Variants in ARMC8 observed in about 807,000 individuals in gnomAD.
ARMC8 encodes the protein armadillo repeat-containing protein 8.
In ARMC8, 20 loss-of-function variants were observed where a neutral mutation model predicts 99.3. That is an observed-to-expected ratio of 0.20 (90% CI 0.14 to 0.29). The LOEUF is 0.29. Among genes scored for constraint, ARMC8 ranks in the 10% least tolerant of loss-of-function variants. The probability of loss-of-function intolerance (pLI) is 1.00; values close to 1 mark genes in which losing one functional copy is unlikely to be tolerated. For missense variants in ARMC8, 569 were observed against 809.5 expected, an observed-to-expected ratio of 0.70 and a Z score of 3.60; for synonymous variants, 263 against 278.3, an observed-to-expected ratio of 0.95 and a Z score of 0.55.
At chr3:138,251,023 C>T (rs2047099398) in intron 12 of ARMC8, among the ~76,000 whole-genome samples, 1 of 152,058 alleles carries the variant, frequency 6.6e-6, no homozygotes, top group African/African-American at 2.4e-5. Flanking sequence ...CGGTGGCATG[C>T]ACCTGTGGTC....
chr3:138,270,549 A>C (rs1389925819), intron 16 of ARMC8, among the ~76,000 whole-genome samples: 1 of 152,194 alleles, frequency 6.6e-6, no homozygotes, highest in African/African-American at 2.4e-5. Context: ...AAGGCACAGA[A>C]TGATTATTTT....
At chr3:138,289,489 G>T (rs569767550) in intron 20 of ARMC8, among the ~76,000 whole-genome samples, 1 of 152,288 alleles carries the variant, frequency 6.6e-6, no homozygotes, top group Admixed American at 6.5e-5. Flanking sequence ...CACATATGAG[G>T]ACTACAGGCA....
At chr3:138,278,692 T>A (rs2049557574) in intron 18 of ARMC8, among the ~76,000 whole-genome samples, 1 of 152,208 alleles carries the variant, frequency 6.6e-6, no homozygotes, top group Admixed American at 6.5e-5. Flanking sequence ...AATTCATGAA[T>A]ATATCTTCCC....
intron 18 of ARMC8, among the ~76,000 whole-genome samples, chr3:138,284,055 T>C (rs762808836): frequency 2.0e-5 from 3 of 152,174 alleles, no homozygotes; most frequent in African/African-American, 4.8e-5. Flanking sequence ...AGAGACTACA[T>C]TGTTGAAGGA....
chr3:138,239,421 A>G (rs1559973826), intron 9 of ARMC8, 47 bp from the exon 10 acceptor site: 1 of 1,387,496 alleles, frequency 7.2e-7, no homozygotes, highest in Non-Finnish European at 1.0e-6. Flanking sequence ...TTTCATTTAA[A>G]GCTTTAAACT....
intron 21 of ARMC8, among the ~76,000 whole-genome samples, chr3:138,292,817 T>C (rs1024186702): frequency 3.3e-5 from 5 of 151,968 alleles, no homozygotes; most frequent in Non-Finnish European, 5.9e-5. Flanking sequence ...AAAGGAGGAC[T>C]AAGGACCAAG....
chr3:138,227,347 G>C lies in ARMC8; in HGVS notation c.436-1571G>C, dbSNP rs563058327. 1.7e-4 allele frequency among the ~76,000 whole-genome samples: 26 copies of C among 152,244 alleles called. No individual in the cohort carries two copies. In the East Asian group the frequency reaches 1.7e-3, roughly 10 times the overall value. On this transcript the variant is annotated intron_variant, in intron 5 of 21. Coordinates refer to ENST00000469044, the MANE Select transcript of ARMC8 (RefSeq NM_001363941.2). ...GAAATAGCTTTAGGAGCCCAATAGA[G>C]GCTTTTTAATCTACCTATTTGCCTT...
chr3:138,285,917 C>G (rs1461508004), intron 19 of ARMC8, among the ~76,000 whole-genome samples: 1 of 152,018 alleles, frequency 6.6e-6, no homozygotes, highest in South Asian at 2.1e-4. Context: ...CGAGACATAC[C>G]CATTTCTCTG....
intron 18 of ARMC8, among the ~76,000 whole-genome samples, chr3:138,277,875 A>G (rs1387911035): frequency 6.6e-6 from 1 of 152,194 alleles, no homozygotes; most frequent in African/African-American, 2.4e-5. Context: ...ACATCCCTCA[A>G]CAAACTATGG....
chr3:138,274,659 G>C (rs940999409), intron 18 of ARMC8, 115 bp downstream of exon 18: 1 of 721,768 alleles, frequency 1.4e-6, no homozygotes, highest in Non-Finnish European at 2.3e-6. Flanking sequence ...GATGGGAGAT[G>C]CTCTAGAAAT....
intron 3 of ARMC8, 60 bp from the exon 4 acceptor site, chr3:138,223,329 T>G: frequency 6.5e-7 from 1 of 1,542,826 alleles, no homozygotes; most frequent in Non-Finnish European, 8.8e-7. Context: ...CCTTTTTTGG[T>G]CACATTGAGT....
chr3:138,287,830 A>G (rs1396456059), intron 19 of ARMC8: 1 of 329,198 alleles, frequency 3.0e-6, no homozygotes, highest in African/African-American at 2.1e-5. Context: ...ACTCTCTCAG[A>G]TGTGCATAAA....
intron 17 of ARMC8, among the ~76,000 whole-genome samples, chr3:138,274,070 G>A (rs2049034765): frequency 6.6e-6 from 1 of 151,950 alleles, no homozygotes; most frequent in African/African-American, 2.4e-5. Context: ...GGCCCACCTC[G>A]GCCCCCCAAA....
intron 6 of ARMC8, among the ~76,000 whole-genome samples, chr3:138,232,026 A>G (rs116495380): frequency 0.12 from 13,680 of 117,058 alleles, 794 homozygotes; most frequent in Middle Eastern, 0.3. Flanking sequence ...GCTAGAGTGT[A>G]GTGGCGCAAT....
intron 12 of ARMC8, among the ~76,000 whole-genome samples, chr3:138,258,538 G>C (rs1223189487): frequency 1.3e-5 from 2 of 152,152 alleles, no homozygotes; most frequent in Admixed American, 1.3e-4. Flanking sequence ...CACCACCTTA[G>C]TATTATCTGG....
Position 138,270,116 on chromosome 3 carries a change from G to C in ARMC8, c.1463G>C (p.Gly488Ala). The change falls in exon 16 of 22, where the codon GGA becomes GCA. Residue 488 changes from glycine to alanine, a missense_variant. Gly to Ala is a moderately conservative substitution (Grantham distance 60, BLOSUM62 0). Transcript: ENST00000469044. The stretch of plus-strand genomic sequence containing the variant: ...GAAAATCCTGCTTTACGAGTGAATG[G>C]AATTTGGGCTTTAATGGTACGTTTC... ...QSENPALRVN[G>A]IWALMNMAFQ... 6.2e-7 allele frequency: 1 copy of C among 1,611,748 alleles called. No individual in the cohort carries two copies. Among genetic ancestry groups the C allele is most frequent in the East Asian group, 2.2e-5 (1 of 44,856 alleles).
At chr3:138,251,704 C>T (rs960455981) in intron 12 of ARMC8, among the ~76,000 whole-genome samples, 1 of 152,028 alleles carries the variant, frequency 6.6e-6, no homozygotes, top group Non-Finnish European at 1.5e-5. Context: ...AAGAAGCAAA[C>T]CTGGGAGTGA....
At chr3:138,228,586 G>A (rs2045816376) in intron 5 of ARMC8, 1 of 423,200 alleles carries the variant, frequency 2.4e-6, no homozygotes, top group Non-Finnish European at 4.6e-6. Flanking sequence ...TAACGTACTA[G>A]TTACCTCACA....
At chr3:138,275,195 A>G (rs73227568) in intron 18 of ARMC8, among the ~76,000 whole-genome samples, 4,419 of 152,318 alleles carry the variant, frequency 0.029, 92 homozygotes, top group Non-Finnish European at 0.044. Flanking sequence ...TTAACACAGG[A>G]CCAGAGATAC....
Sources: allele counts gnomAD v4.1 joint callset (sites outside exome capture counted in the v4.1 genomes callset), GRCh38; gene constraint gnomAD v4.1.1; transcripts MANE v1.5; gene names NCBI Gene and HGNC (gene_info 2026-07-23, HGNC 2026-07-21).